Variants in KCNH5 observed in about 807,000 individuals in gnomAD.
KCNH5 encodes the protein potassium voltage-gated channel subfamily H member 5.
Under a neutral mutation model 96.1 loss-of-function variants are expected in KCNH5, and 46 were observed. The observed-to-expected ratio is 0.48, with a 90% CI of 0.38 to 0.61. KCNH5 has a LOEUF of 0.61. KCNH5 is among the 20% of genes least tolerant of loss of function. KCNH5 has a pLI of 0.00. For synonymous variants in KCNH5, 439 were observed against 449.8 expected (o/e 0.98, Z 0.30); for missense variants, 907 against 1,225.8 (o/e 0.74, Z 3.88).
chr14:62,770,665 G>A (rs1490029), intron 10 of KCNH5, among the ~76,000 whole-genome samples: 5,177 of 152,194 alleles, frequency 0.034, 150 homozygotes, highest in African/African-American at 0.089. Flanking sequence ...ATCACTGTAG[G>A]GCAGCAAGAA....
chr14:62,939,977 T>C (rs1006611704), intron 7 of KCNH5, among the ~76,000 whole-genome samples: 7 of 152,160 alleles, frequency 4.6e-5, no homozygotes, highest in Admixed American at 4.6e-4. Flanking sequence ...ACGTACAATC[T>C]ATTCTGGAGT....
At chr14:62,748,021 T>A (rs1428859004) in intron 10 of KCNH5, among the ~76,000 whole-genome samples, 1 of 152,194 alleles carries the variant, frequency 6.6e-6, no homozygotes, top group Non-Finnish European at 1.5e-5. Context: ...ACTTAGCTTA[T>A]AAGAGGGTGA....
chr14:62,993,047 C>A (rs1486195463), intron 4 of KCNH5, among the ~76,000 whole-genome samples: 1 of 151,982 alleles, frequency 6.6e-6, no homozygotes, highest in Non-Finnish European at 1.5e-5. Context: ...TCCAATTATC[C>A]CAGCACCAGT....
At chr14:62,750,243 C>T (rs1055116795) in intron 10 of KCNH5, among the ~76,000 whole-genome samples, 1 of 152,196 alleles carries the variant, frequency 6.6e-6, no homozygotes. Context: ...TAAGCCTTTA[C>T]GTATAAAAAG....
At chr14:63,024,018 C>T (rs1198756594) in intron 1 of KCNH5, among the ~76,000 whole-genome samples, 2 of 151,824 alleles carry the variant, frequency 1.3e-5, no homozygotes, top group Admixed American at 6.6e-5. Context: ...GACCAGCCTG[C>T]CCAATATGGT....
intron 9 of KCNH5, among the ~76,000 whole-genome samples, chr14:62,795,784 T>TA (rs1886529042): frequency 2.0e-5 from 3 of 151,832 alleles, no homozygotes; most frequent in Admixed American, 1.3e-4. Flanking sequence ...AGGGGAAGGA[T>TA]AAAAATAGGA....
At chr14:62,866,976 C>T (rs1888146307) in intron 7 of KCNH5, among the ~76,000 whole-genome samples, 1 of 152,172 alleles carries the variant, frequency 6.6e-6, no homozygotes, top group African/African-American at 2.4e-5. Flanking sequence ...AGTATTTTAA[C>T]AGTAACCAAC....
chr14:62,938,986 G>A (rs1377470751), intron 7 of KCNH5, among the ~76,000 whole-genome samples: 1 of 152,146 alleles, frequency 6.6e-6, no homozygotes, highest in African/African-American at 2.4e-5. Context: ...TACTGCATCA[G>A]CATAATCTAC....
intron 10 of KCNH5, among the ~76,000 whole-genome samples, chr14:62,747,720 C>A (rs1025296846): frequency 6.6e-6 from 1 of 152,056 alleles, no homozygotes; most frequent in East Asian, 1.9e-4. Flanking sequence ...GTGCCAAGAC[C>A]CTGACTTAAC....
At chr14:62,855,102 T>C (rs1477189397) in intron 7 of KCNH5, among the ~76,000 whole-genome samples, 1 of 151,898 alleles carries the variant, frequency 6.6e-6, no homozygotes, top group Non-Finnish European at 1.5e-5. Flanking sequence ...TTTCATGCTG[T>C]GAGGAAGCCC....
At chr14:62,890,677 G>T (rs1313470644) in intron 7 of KCNH5, among the ~76,000 whole-genome samples, 1 of 144,114 alleles carries the variant, frequency 6.9e-6, no homozygotes, top group Admixed American at 7.0e-5. Context: ...CCAGCCTGGG[G>T]GACAGAGCGA....
intron 7 of KCNH5, among the ~76,000 whole-genome samples, chr14:62,919,203 T>C (rs1382380687): frequency 2.0e-5 from 3 of 152,126 alleles, no homozygotes; most frequent in Non-Finnish European, 4.4e-5. Flanking sequence ...CACTAGGTAA[T>C]GAAGCTTCCA....
chr14:62,729,418 C>G (rs1885003362), intron 10 of KCNH5, among the ~76,000 whole-genome samples: 1 of 152,150 alleles, frequency 6.6e-6, no homozygotes, highest in Non-Finnish European at 1.5e-5. Flanking sequence ...ATGAACACTA[C>G]ATATATTTAG....
chr14:63,030,154 C>T (rs2139622102), intron 1 of KCNH5, among the ~76,000 whole-genome samples: 1 of 152,246 alleles, frequency 6.6e-6, no homozygotes, highest in East Asian at 1.9e-4. Context: ...GGACCTTGAG[C>T]CATGAATTCT....
Position 63,002,060 on chromosome 14 carries a change from C to T in KCNH5, c.305-601G>A, listed in dbSNP as rs139009007. Among the ~76,000 whole-genome samples the T allele has an allele frequency of 1.6e-3, 248 of 152,202 alleles. 1 individual carries two copies. Among genetic ancestry groups the T allele is most frequent in the African/African-American group, 5.8e-3 (239 of 41,538 alleles). Reference sequence around the variant, plus strand: ...GAGGATGTCAGCAAAACTTGATGTCCGATGTACACAGAGCTCTACCTGAAA... The same window carrying T: ...GAGGATGTCAGCAAAACTTGATGTCTGATGTACACAGAGCTCTACCTGAAA... On this transcript the variant is annotated intron_variant, in intron 3 of 10. Coordinates refer to ENST00000322893, the MANE Select transcript of KCNH5 (RefSeq NM_139318.5).
intron 10 of KCNH5, among the ~76,000 whole-genome samples, chr14:62,738,635 C>T (rs1453996273): frequency 2.0e-5 from 3 of 152,130 alleles, no homozygotes; most frequent in African/African-American, 7.2e-5. Context: ...GTTTATATCG[C>T]TATCAGATCC....
intron 7 of KCNH5, among the ~76,000 whole-genome samples, chr14:62,896,496 A>G (rs2140089326): frequency 6.6e-6 from 1 of 152,306 alleles, no homozygotes; most frequent in South Asian, 2.1e-4. Flanking sequence ...TACCATGAGG[A>G]GTATCCTTAA....
At chr14:62,930,092 A>G (rs562861220) in intron 7 of KCNH5, among the ~76,000 whole-genome samples, 4 of 152,286 alleles carry the variant, frequency 2.6e-5, no homozygotes, top group Admixed American at 2.6e-4. Context: ...AGCTATGAAC[A>G]TACAGGCACA....
intron 8 of KCNH5, among the ~76,000 whole-genome samples, chr14:62,816,214 T>C (rs893518317): frequency 1.2e-4 from 18 of 151,934 alleles, no homozygotes; most frequent in African/African-American, 3.9e-4. Flanking sequence ...AGTTCAGCAA[T>C]TGAAATCATA....
Sources: allele counts gnomAD v4.1 joint callset (sites outside exome capture counted in the v4.1 genomes callset), GRCh38; gene constraint gnomAD v4.1.1; transcripts MANE v1.5; gene names NCBI Gene and HGNC (gene_info 2026-07-23, HGNC 2026-07-21).